The following NCKAP5 variants were observed in gnomAD, a reference collection of about 807,000 sequenced individuals.
NCKAP5 encodes NCK associated protein 5.
In NCKAP5, 92 loss-of-function variants were observed where a neutral mutation model predicts 167.0. That is an observed-to-expected ratio of 0.55 (90% CI 0.47 to 0.66). The LOEUF is 0.66. Among genes scored for constraint, NCKAP5 ranks in the 30% least tolerant of loss-of-function variants. NCKAP5 has a pLI of 0.00. For synonymous variants in NCKAP5, 891 were observed against 877.4 expected (o/e 1.02, Z -0.27); for missense variants, 2,378 against 2,315.0 (o/e 1.03, Z -0.56).
At chr2:133,228,652 T>C (rs1441656448) in intron 4 of NCKAP5, among the ~76,000 whole-genome samples, 1 of 152,182 alleles carries the variant, frequency 6.6e-6, no homozygotes, top group Non-Finnish European at 1.5e-5. Flanking sequence ...CAAAATTGTA[T>C]AATATTAGAG....
At chr2:133,538,942 T>TTG (rs1685988759) in intron 2 of NCKAP5, among the ~76,000 whole-genome samples, 1 of 135,326 alleles carries the variant, frequency 7.4e-6, no homozygotes, top group African/African-American at 2.9e-5. Context: ...TTTTTTTTTT[T>TTG]TTTTTTTTTT....
intron 8 of NCKAP5, among the ~76,000 whole-genome samples, chr2:132,897,992 C>T (rs1213540217): frequency 6.6e-6 from 1 of 152,198 alleles, no homozygotes; most frequent in Non-Finnish European, 1.5e-5. Flanking sequence ...AAGGTTGCAG[C>T]ATCAATTGAC....
chr2:132,920,771 GTATATATATATATA>G lies in NCKAP5; in HGVS notation c.580-41869_580-41856del, dbSNP rs55895538. On this transcript the variant is annotated intron_variant, in intron 8 of 19. Transcript: ENST00000409261. ...TATATATATATGTATATATATGTAT[GTATATATATATATA>G]TATATATATATATATATATATATAT... Among the ~76,000 whole-genome samples the G allele has an allele frequency of 4.4e-3, 140 of 31,578 alleles. 6 individuals are homozygous for G. The highest frequency in any genetic ancestry group is 0.077 in the Middle Eastern group (2 of 26). The allele number at this position is 31,578 out of a possible 152,430, so 20.7% of individuals were successfully genotyped here.
intron 19 of NCKAP5, among the ~76,000 whole-genome samples, chr2:132,708,205 G>T (rs1406805925): frequency 6.6e-6 from 1 of 152,110 alleles, no homozygotes; most frequent in Non-Finnish European, 1.5e-5. Flanking sequence ...ACTTTGTCTT[G>T]CAGCCTAAGT....
intron 3 of NCKAP5, among the ~76,000 whole-genome samples, chr2:133,457,743 G>A: frequency 6.6e-6 from 1 of 152,050 alleles, no homozygotes. Context: ...TTCTTAAAGG[G>A]CCAGTTTTTC....
intron 16 of NCKAP5, among the ~76,000 whole-genome samples, chr2:132,752,085 G>A (rs1680162974): frequency 6.6e-6 from 1 of 152,212 alleles, no homozygotes; most frequent in Non-Finnish European, 1.5e-5. Flanking sequence ...TTTAGCAGGA[G>A]CATCTGATGC....
At chr2:133,457,987 C>G (rs779770547) in intron 3 of NCKAP5, among the ~76,000 whole-genome samples, 1 of 152,110 alleles carries the variant, frequency 6.6e-6, no homozygotes, top group Non-Finnish European at 1.5e-5. Context: ...GATGATAGGT[C>G]TCTGTTACAT....
the NCKAP5 span, among the ~76,000 whole-genome samples, chr2:133,609,180 A>C: frequency 6.6e-6 from 1 of 151,900 alleles, no homozygotes; most frequent in Admixed American, 6.6e-5. Context: ...TTTTTAATGT[A>C]CTCATTTTAG....
chr2:133,642,842 A>G, the NCKAP5 span, among the ~76,000 whole-genome samples: 1 of 152,246 alleles, frequency 6.6e-6, no homozygotes, highest in Non-Finnish European at 1.5e-5. Flanking sequence ...AGTTCATGTA[A>G]AAACCATTAT....
intron 3 of NCKAP5, among the ~76,000 whole-genome samples, chr2:133,382,734 G>A (rs539145322): frequency 6.6e-6 from 1 of 152,284 alleles, no homozygotes; most frequent in East Asian, 1.9e-4. Flanking sequence ...TTTCTTAGGA[G>A]ACTTTCATCT....
chr2:133,620,817 A>G, the NCKAP5 span, among the ~76,000 whole-genome samples: 4 of 152,200 alleles, frequency 2.6e-5, no homozygotes, highest in Admixed American at 2.6e-4. Context: ...TGCAGAATAT[A>G]CATTCTATTC....
the NCKAP5 span, among the ~76,000 whole-genome samples, chr2:133,576,529 A>G: frequency 6.6e-6 from 1 of 152,262 alleles, no homozygotes; most frequent in Non-Finnish European, 1.5e-5. Context: ...AACATATAGT[A>G]CTTCAGGTTC....
intron 4 of NCKAP5, among the ~76,000 whole-genome samples, chr2:133,229,377 C>G (rs2087039941): frequency 6.6e-6 from 1 of 152,098 alleles, no homozygotes; most frequent in Non-Finnish European, 1.5e-5. Flanking sequence ...TGAGTTCAGA[C>G]ACAGAGCCAA....
chr2:133,655,811 G>T, the NCKAP5 span, among the ~76,000 whole-genome samples: 1 of 152,206 alleles, frequency 6.6e-6, no homozygotes, highest in Non-Finnish European at 1.5e-5. Flanking sequence ...ACATATTATA[G>T]TTCTAATGGG....
At chr2:133,467,288 C>T (rs1369313192) in intron 3 of NCKAP5, among the ~76,000 whole-genome samples, 5 of 151,082 alleles carry the variant, frequency 3.3e-5, no homozygotes, top group East Asian at 3.9e-4. Context: ...TTGTCTTTGG[C>T]TCTGTTTATA....
At chr2:133,664,159 C>CTTTTT in the NCKAP5 span, among the ~76,000 whole-genome samples, 4 of 149,970 alleles carry the variant, frequency 2.7e-5, no homozygotes, top group Admixed American at 2.7e-4. Context: ...TGAAAGTAAT[C>CTTTTT]TTTTTTTTTT....
intron 5 of NCKAP5, among the ~76,000 whole-genome samples, chr2:133,135,936 G>T (rs1188820994): frequency 6.6e-6 from 1 of 152,026 alleles, no homozygotes; most frequent in Admixed American, 6.5e-5. Context: ...TATAACATTT[G>T]TCTTTAATAA....
At chr2:133,110,600 T>G (rs889239304) in intron 6 of NCKAP5, among the ~76,000 whole-genome samples, 2 of 152,188 alleles carry the variant, frequency 1.3e-5, no homozygotes, top group African/African-American at 4.8e-5. Context: ...TTAGCTTCAC[T>G]CACATGCATC....
chr2:132,801,151 C>G (rs1395212289), intron 11 of NCKAP5, among the ~76,000 whole-genome samples: 1 of 152,160 alleles, frequency 6.6e-6, no homozygotes, highest in African/African-American at 2.4e-5. Flanking sequence ...AGCACAGCAA[C>G]CTTGGAAGCC....
Sources: gnomAD v4.1 joint callset for allele counts (sites outside exome capture counted in the v4.1 genomes callset) on GRCh38, gnomAD v4.1.1 for gene constraint, MANE v1.5 for transcripts, NCBI Gene and HGNC (gene_info 2026-07-23, HGNC 2026-07-21) for gene names.